RALGPS1: variants seen among roughly 807,000 people sequenced by gnomAD.
The protein encoded by RALGPS1 is ras-specific guanine nucleotide-releasing factor RalGPS1.
A neutral mutation model predicts 78.8 loss-of-function variants in RALGPS1; 19 were observed. The ratio of observed to expected loss-of-function variants is 0.24; its 90% CI spans 0.17 to 0.35. The LOEUF is 0.35. RALGPS1 is among the 10% of genes least tolerant of loss of function. The pLI is 1.00. For missense variants in RALGPS1, 454 were observed against 688.3 expected (o/e 0.66, Z 3.81); for synonymous variants, 228 against 256.3 (o/e 0.89, Z 1.06).
chr9:127,001,986 T>G (rs1367035033), intron 4 of RALGPS1, among the ~76,000 whole-genome samples: 1 of 152,230 alleles, frequency 6.6e-6, no homozygotes, highest in Non-Finnish European at 1.5e-5. Flanking sequence ...TTAAAGAAAT[T>G]TTTTAAAATG....
chr9:127,094,011 C>T, intron 8 of RALGPS1: 1 of 1,477,522 alleles, frequency 6.8e-7, no homozygotes, highest in Non-Finnish European at 9.2e-7. Flanking sequence ...GGCACAACCT[C>T]TGTTGAGGCT....
At chr9:127,057,705 T>C (rs1381996230) in intron 7 of RALGPS1, among the ~76,000 whole-genome samples, 1 of 152,248 alleles carries the variant, frequency 6.6e-6, no homozygotes, top group Non-Finnish European at 1.5e-5. Context: ...TCTGATTTCC[T>C]GAGTACACAT....
At chr9:127,156,693 G>A (rs1564682690) in intron 8 of RALGPS1, among the ~76,000 whole-genome samples, 1 of 151,970 alleles carries the variant, frequency 6.6e-6, no homozygotes, top group African/African-American at 2.4e-5. Context: ...TCAGCTTCAT[G>A]TATGGTGTTT....
chr9:127,059,405 G>C (rs1471378060), intron 7 of RALGPS1, among the ~76,000 whole-genome samples: 1 of 152,172 alleles, frequency 6.6e-6, no homozygotes, highest in East Asian at 1.9e-4. Context: ...CTTCTCAGAA[G>C]ATCTCAGTCA....
chr9:126,925,133 T>C (rs907598600), intron 1 of RALGPS1, among the ~76,000 whole-genome samples: 3 of 151,138 alleles, frequency 2.0e-5, no homozygotes, highest in Middle Eastern at 3.4e-3. Context: ...ATCTCAAAAA[T>C]AAATAAATAA....
At chr9:127,180,924 C>T (rs1357513606) in intron 11 of RALGPS1, among the ~76,000 whole-genome samples, 3 of 152,244 alleles carry the variant, frequency 2.0e-5, no homozygotes, top group African/African-American at 4.8e-5. Flanking sequence ...TTACCTGTGG[C>T]CCCCCACTGT....
intron 8 of RALGPS1, among the ~76,000 whole-genome samples, chr9:127,115,413 T>C (rs1256736722): frequency 3.3e-5 from 5 of 152,170 alleles, no homozygotes; most frequent in South Asian, 2.1e-4. Context: ...TCTTATGTAG[T>C]TATTAATAGC....
At chr9:127,112,107 C>T (rs989165819) in intron 8 of RALGPS1, among the ~76,000 whole-genome samples, 1 of 152,166 alleles carries the variant, frequency 6.6e-6, no homozygotes, top group Non-Finnish European at 1.5e-5. Flanking sequence ...AGCTGTTTTC[C>T]ACTTAAATGA....
At chr9:126,965,733 T>A (rs10819257) in intron 2 of RALGPS1, 111 bp from the exon 3 acceptor site, 165,628 of 764,598 alleles carry the variant, frequency 0.22, 20,813 homozygotes, top group East Asian at 0.43. Flanking sequence ...AGAAGCCATT[T>A]TTTATTGTAC....
intron 14 of RALGPS1, among the ~76,000 whole-genome samples, chr9:127,209,700 G>C (rs1021282959): frequency 3.9e-5 from 6 of 152,152 alleles, no homozygotes; most frequent in Non-Finnish European, 7.3e-5. Flanking sequence ...CAGTGGACCC[G>C]AGATGGCCAT....
chr9:126,954,410 C>T (rs537801177), intron 1 of RALGPS1, among the ~76,000 whole-genome samples: 68 of 152,310 alleles, frequency 4.5e-4, no homozygotes, highest in Non-Finnish European at 4.4e-5. Context: ...CCATTTTGGC[C>T]TTTCCAATGT....
chr9:127,007,328 C>T (rs1261740132), intron 4 of RALGPS1, among the ~76,000 whole-genome samples: 2 of 152,194 alleles, frequency 1.3e-5, no homozygotes, highest in Admixed American at 1.3e-4. Context: ...TTATTCAATG[C>T]CTTCTATGAC....
At chr9:127,036,988 G>A (rs1266793858) in intron 5 of RALGPS1, among the ~76,000 whole-genome samples, 1 of 152,232 alleles carries the variant, frequency 6.6e-6, no homozygotes, top group South Asian at 2.1e-4. Context: ...AGGCCTGGGT[G>A]TGAGTCTTAT....
chr9:127,025,100 T>TG (rs2045854231), intron 4 of RALGPS1, among the ~76,000 whole-genome samples: 1 of 152,228 alleles, frequency 6.6e-6, no homozygotes, highest in Admixed American at 6.5e-5. Flanking sequence ...ATCTAATTCC[T>TG]GTCTCTGTCA....
intron 8 of RALGPS1, among the ~76,000 whole-genome samples, chr9:127,121,687 C>T (rs2056102786): frequency 6.6e-6 from 1 of 152,252 alleles, no homozygotes. Flanking sequence ...ATCTTGGCCA[C>T]ATCCACTCAG....
rs749404884 is a variant in RALGPS1 at position 127,091,929 on chromosome 9, C to G, written c.610+22573C>G. 41 of 1,613,886 alleles carry G rather than the reference C, an allele frequency of 2.5e-5. No homozygotes were observed. Among genetic ancestry groups the G allele is most frequent in the Non-Finnish European group, 2.8e-5 (33 of 1,179,856 alleles). On this transcript the variant is annotated intron_variant, in intron 8 of 18. Coordinates refer to ENST00000259351, the MANE Select transcript of RALGPS1 (RefSeq NM_014636.3). The surrounding 1 kb of genome is among the most constrained non-coding windows in gnomAD (Gnocchi z 4.3). ...CCAGCCAGTATTCGCCGTCAATGTTCCCAAACCCTTGCTGGGGAAAACCCA... is the reference window on the plus strand; with the variant it reads ...CCAGCCAGTATTCGCCGTCAATGTTGCCAAACCCTTGCTGGGGAAAACCCA...
chr9:126,980,210 G>T (rs894296934), intron 4 of RALGPS1, among the ~76,000 whole-genome samples: 4 of 152,208 alleles, frequency 2.6e-5, no homozygotes, highest in Admixed American at 6.5e-5. Flanking sequence ...TGCCTGCCAT[G>T]TTGTGGCTGG....
At chr9:127,185,019 A>C (rs1304417417) in intron 11 of RALGPS1, among the ~76,000 whole-genome samples, 10 of 152,170 alleles carry the variant, frequency 6.6e-5, no homozygotes, top group Admixed American at 6.5e-4. Flanking sequence ...CGCAGCCATG[A>C]GCACTATGCC....
chr9:127,182,998 C>G (rs2060379596), intron 11 of RALGPS1, among the ~76,000 whole-genome samples: 1 of 152,138 alleles, frequency 6.6e-6, no homozygotes, highest in Non-Finnish European at 1.5e-5. Flanking sequence ...GAAGGATGAA[C>G]AAGCATGTCA....
Sources: allele counts gnomAD v4.1 joint callset (sites outside exome capture counted in the v4.1 genomes callset), GRCh38; gene constraint gnomAD v4.1.1; non-coding constraint Gnocchi (gnomAD v3.1); transcripts MANE v1.5; gene names NCBI Gene and HGNC (gene_info 2026-07-23, HGNC 2026-07-21).